The following LRRC40 variants were observed in gnomAD, a reference collection of about 807,000 sequenced individuals.
LRRC40 encodes leucine-rich repeat-containing protein 40.
In LRRC40, 76 loss-of-function variants were observed where a neutral mutation model predicts 72.8. That is an observed-to-expected ratio of 1.04 (90% CI 0.87 to 1.26). The LOEUF (loss-of-function observed/expected upper bound fraction) is 1.26, where lower values mean the gene tolerates loss of function less well. Among genes scored for constraint, LRRC40 ranks in the 50% most tolerant of loss-of-function variants. LRRC40 has a pLI of 0.00. For synonymous variants in LRRC40, 243 were observed against 254.2 expected (o/e 0.96, Z 0.42); for missense variants, 684 against 698.9 (o/e 0.98, Z 0.24).
chr1:70,184,464 T>C (rs757196584), intron 4 of LRRC40, among the ~76,000 whole-genome samples: 1 of 152,180 alleles, frequency 6.6e-6, no homozygotes, highest in Non-Finnish European at 1.5e-5. Flanking sequence ...GAAATGGGTA[T>C]AGAAAAGAGA....
At position 70,181,219 on chromosome 1, in the gene LRRC40, G is replaced by C. The variant is rs1368189118; in HGVS notation, c.538-10C>G. The C allele has an allele frequency of 2.0e-6, 3 of 1,484,432 alleles. No homozygotes were observed. Among genetic ancestry groups the C allele is most frequent in the Non-Finnish European group, 2.7e-6 (3 of 1,110,054 alleles). The allele number at this position is 1,484,432 out of a possible 1,614,324, so 92.0% of individuals were successfully genotyped here. A position where few individuals can be genotyped will look rare whatever the true frequency, so the allele number is the denominator to read the frequency against. On this transcript the variant is annotated splice_polypyrimidine_tract_variant and intron_variant, in intron 4 of 14. Transcript: ENST00000370952. ...GATTGTTTGAAAGATCCTTTAAAAA[G>C]AGAAAGACAAAATAAATGAATAAAC... is the stretch of plus-strand genomic sequence containing the variant.
In LRRC40 at chr1:70,175,945, T is replaced by G. The variant is rs757402855; in HGVS notation, c.842A>C (p.Glu281Ala). ...HVGENQIEML[E>A]AEHLKHLNSI... ...ATTCAGATGTTTAAGATGTTCTGCC[T>G]CTAACATTTCAATCTGGTTTTCACC... is the stretch of plus-strand genomic sequence containing the variant. The change falls in exon 7 of 15, where the codon GAG (glutamate) becomes GCG (alanine). Residue 281 changes from glutamate (E) to alanine (A), a missense_variant. By Grantham distance (107) the Glu-to-Ala change is moderately radical. Coordinates refer to ENST00000370952, the MANE Select transcript of LRRC40 (RefSeq NM_017768.5). The G allele has an allele frequency of 2.8e-5, 44 of 1,586,422 alleles. No individual in the cohort carries two copies. The highest frequency in any genetic ancestry group is 3.8e-5 in the Non-Finnish European group (44 of 1,171,102).
At chr1:70,145,967 T>C in intron 14 of LRRC40, 62 bp from the exon 15 acceptor site, 3 of 744,176 alleles carry the variant, frequency 4.0e-6, no homozygotes, top group Non-Finnish European at 6.7e-6. Context: ...TTTCATCTAA[T>C]TTCATTTGCA....
chr1:70,146,888 CTTT>C (rs879751358), intron 14 of LRRC40: 33 of 152,048 alleles, frequency 2.2e-4, no homozygotes, highest in African/African-American at 6.5e-4. Context: ...TTAAGAGAGG[CTTT>C]TTTATTATTT....
chr1:70,191,591 C>T (rs1225221787), intron 1 of LRRC40, among the ~76,000 whole-genome samples: 1 of 152,042 alleles, frequency 6.6e-6, no homozygotes, highest in African/African-American at 2.4e-5. Flanking sequence ...TTACTTACTA[C>T]TCATTCTTTT....
Position 70,184,896 on chromosome 1 carries a change from T to A in LRRC40, c.426A>T (p.Ile142=), listed in dbSNP as rs948607851. ...KLNVSHNKLK[I]LPEEITNLRN... ...TTAGGTTTGTAATTTCTTCAGGGAG[T>A]ATTTTCAGTTTATTATGGCTATTGG... Residue 142 remains isoleucine (I), a synonymous_variant, in exon 4 of 15, where the codon ATA becomes ATT. Coordinates refer to ENST00000370952, the MANE Select transcript of LRRC40 (RefSeq NM_017768.5). 3 of 1,603,450 alleles carry A rather than the reference T, an allele frequency of 1.9e-6. No individual in the cohort carries two copies. In the African/African-American group the frequency reaches 4.0e-5, roughly 21 times the overall value.
chr1:70,147,388 G>GA (rs1667334452), intron 14 of LRRC40, among the ~76,000 whole-genome samples: 3 of 151,924 alleles, frequency 2.0e-5, no homozygotes, highest in African/African-American at 7.3e-5. Flanking sequence ...TGTGGATTAC[G>GA]AAAAAAATAC....
At chr1:70,156,705 C>A (rs1302122117) in intron 10 of LRRC40, among the ~76,000 whole-genome samples, 1 of 151,998 alleles carries the variant, frequency 6.6e-6, no homozygotes, top group Non-Finnish European at 1.5e-5. Flanking sequence ...TAAGGATGGG[C>A]AGCATATACA....
intron 13 of LRRC40, among the ~76,000 whole-genome samples, chr1:70,149,808 T>G (rs1223522794): frequency 6.6e-6 from 1 of 152,222 alleles, no homozygotes; most frequent in Non-Finnish European, 1.5e-5. Flanking sequence ...AAATGAGGAA[T>G]AATAATAGTA....
chr1:70,149,815 A>G (rs1667422630), intron 13 of LRRC40, among the ~76,000 whole-genome samples: 1 of 152,250 alleles, frequency 6.6e-6, no homozygotes, highest in Non-Finnish European at 1.5e-5. Flanking sequence ...GAATAATAAT[A>G]GTACTAAACA....
chr1:70,149,014 ACTT>A (rs912407997), intron 13 of LRRC40, among the ~76,000 whole-genome samples: 21 of 152,288 alleles, frequency 1.4e-4, no homozygotes, highest in Admixed American at 9.2e-4. Flanking sequence ...TTTCACTTTT[ACTT>A]CTTATGAAAC....
intron 4 of LRRC40, among the ~76,000 whole-genome samples, chr1:70,184,330 A>T (rs1234492774): frequency 6.6e-6 from 1 of 152,198 alleles, no homozygotes; most frequent in African/African-American, 2.4e-5. Flanking sequence ...GGTAAGTGAA[A>T]CAATGGAATT....
intron 1 of LRRC40, among the ~76,000 whole-genome samples, chr1:70,192,015 G>T (rs1668511376): frequency 6.6e-6 from 1 of 152,044 alleles, no homozygotes; most frequent in South Asian, 2.1e-4. Flanking sequence ...GAATGTCATT[G>T]GTAGTTTGGT....
In LRRC40 at chr1:70,150,643, G is replaced by A. The variant is rs554948273; in HGVS notation, c.1517+485C>T. On this transcript the variant is annotated intron_variant, in intron 13 of 14. Coordinates refer to ENST00000370952, the MANE Select transcript of LRRC40 (RefSeq NM_017768.5). ...ATCTGTTCCTTCTACTCCTCTACCTGTTTGCTTTATTGTCCAAAGCACATT... is the reference window on the plus strand; with the variant it reads ...ATCTGTTCCTTCTACTCCTCTACCTATTTGCTTTATTGTCCAAAGCACATT... 5.1e-4 allele frequency among the ~76,000 whole-genome samples: 77 copies of A among 152,298 alleles called. No homozygotes were observed. The South Asian group carries it at 0.01, about 20-fold the overall frequency.
At chr1:70,158,099 C>CAAAAAAAAAAAAAAAAAAAAAAAAA (rs35925333) in intron 10 of LRRC40, among the ~76,000 whole-genome samples, 1 of 19,198 alleles carries the variant, frequency 5.2e-5, no homozygotes, top group African/African-American at 2.3e-4. Flanking sequence ...GACCCTGCCT[C>CAAAAAAAAAAAAAAAAAAAAAAAAA]AAAAAAAAAA....
Position 70,175,872 on chromosome 1 carries a change from T to C in LRRC40, c.915A>G (p.Pro305=). ...DLRDNKLKSV[P]DEIILLRSLE... ...AGGACCGTAGTAGTATAATTTCATCTGGAACAGATTTTAACTTGTTATCCC... is the reference window on the plus strand; with the variant it reads ...AGGACCGTAGTAGTATAATTTCATCCGGAACAGATTTTAACTTGTTATCCC... Residue 305 remains proline, a synonymous_variant, in exon 7 of 15, where the codon CCA becomes CCG. Coordinates refer to ENST00000370952, the MANE Select transcript of LRRC40 (RefSeq NM_017768.5). 1 of 1,601,190 alleles carries C rather than the reference T, an allele frequency of 6.2e-7. No homozygotes were observed. Among genetic ancestry groups the C allele is most frequent in the East Asian group, 2.3e-5 (1 of 43,940 alleles).
At chr1:70,154,720 C>T (rs925656742) in intron 11 of LRRC40, among the ~76,000 whole-genome samples, 2 of 152,104 alleles carry the variant, frequency 1.3e-5, no homozygotes, top group African/African-American at 4.8e-5. Flanking sequence ...TCAACTTTCT[C>T]AATTCATCAC....
At chr1:70,169,503 T>C (rs1667957160) in intron 9 of LRRC40, among the ~76,000 whole-genome samples, 1 of 152,028 alleles carries the variant, frequency 6.6e-6, no homozygotes, top group Non-Finnish European at 1.5e-5. Flanking sequence ...TCAATGAAAC[T>C]AAACGCTCAT....
At chr1:70,155,971 TA>T (rs1423509867) in intron 10 of LRRC40, among the ~76,000 whole-genome samples, 175 bp from the exon 11 acceptor site, 3 of 152,088 alleles carry the variant, frequency 2.0e-5, no homozygotes, top group Non-Finnish European at 4.4e-5. Flanking sequence ...GGTTCACTGT[TA>T]GGAATTCAGA....
Sources: gnomAD v4.1 joint callset for allele counts (sites outside exome capture counted in the v4.1 genomes callset) on GRCh38, gnomAD v4.1.1 for gene constraint, MANE v1.5 for transcripts, NCBI Gene and HGNC (gene_info 2026-07-23, HGNC 2026-07-21) for gene names.